The following OTOP2 variants were observed in gnomAD, a reference collection of about 807,000 sequenced individuals.
OTOP2 encodes the protein otopetrin 2, also known as proton channel OTOP2.
OTOP2 carries 41 observed loss-of-function variants against 47.4 expected under a neutral mutation model. The ratio of observed to expected loss-of-function variants is 0.87; its 90% CI spans 0.67 to 1.12. The LOEUF (loss-of-function observed/expected upper bound fraction) is 1.12, where lower values mean the gene tolerates loss of function less well. OTOP2 is among the 50% of genes most tolerant of loss of function. The pLI, the probability that OTOP2 is intolerant of heterozygous loss-of-function variation, is 0.00. For missense variants in OTOP2, 721 were observed against 752.2 expected, an observed-to-expected ratio of 0.96 and a Z score of 0.49; for synonymous variants, 328 against 319.6, an observed-to-expected ratio of 1.03 and a Z score of -0.28.
chr17:74,932,752 T>C (rs1020720993), intron 6 of OTOP2, among the ~76,000 whole-genome samples: 1 of 152,186 alleles, frequency 6.6e-6, no homozygotes, highest in African/African-American at 2.4e-5. Context: ...AAGGATGAAG[T>C]TAATCAGGGG....
At chr17:74,926,859 G>A (rs562491634) in intron 3 of OTOP2, among the ~76,000 whole-genome samples, 8 of 151,776 alleles carry the variant, frequency 5.3e-5, no homozygotes, top group East Asian at 3.9e-4. Context: ...GGGTTCAAGC[G>A]ATTCTCCTGC....
At position 74,930,289 on chromosome 17, in the gene OTOP2, C is replaced by A; in HGVS notation, c.654C>A (p.Asp218Glu). 1 of 1,611,884 alleles carries A rather than the reference C, an allele frequency of 6.2e-7. No homozygotes were observed. The highest frequency in any genetic ancestry group is 2.2e-5 in the East Asian group (1 of 44,822). Residue 218 changes from aspartate (D) to glutamate (E), a missense_variant, in exon 6 of 7, where the codon GAC becomes GAA. Transcript: ENST00000331427. This position sits in a 1 kb window ranked among gnomAD's most constrained non-coding sequence, Gnocchi z 4.0. ...CTCTCTCCACAACAGAGCATGCAGA[C>A]AACCCGGTCGGAGGAGACTCCTGCC... ...HARLISDQHADNPVGGDSCLC... is the reference protein window; with the variant it reads ...HARLISDQHAENPVGGDSCLC...
chr17:74,927,895 A>G (rs1370469856), intron 5 of OTOP2, 97 bp downstream of exon 5: 11 of 1,459,560 alleles, frequency 7.5e-6, no homozygotes, highest in South Asian at 5.4e-5. Flanking sequence ...TCATGAGGGC[A>G]TAGAGGCAAA....
Position 74,924,970 on chromosome 17 carries a change from T to C in OTOP2, c.313+25T>C. ...GGTGCCAGGGGAGGTGGGGGCGAGGTAGGGTGGGCACAACAGGGAGCTGCA... is the reference window on the plus strand; with the variant it reads ...GGTGCCAGGGGAGGTGGGGGCGAGGCAGGGTGGGCACAACAGGGAGCTGCA... On this transcript the variant is annotated intron_variant, in intron 2 of 6. Coordinates refer to ENST00000331427, the MANE Select transcript of OTOP2 (RefSeq NM_178160.3). This position sits in a 1 kb window ranked among gnomAD's most constrained non-coding sequence, Gnocchi z 7.7. 3 of 1,530,518 alleles carry C rather than the reference T, an allele frequency of 2.0e-6. No individual in the cohort carries two copies. Among genetic ancestry groups the C allele is most frequent in the Non-Finnish European group, 2.6e-6 (3 of 1,136,442 alleles). The allele number at this position is 1,530,518 out of a possible 1,614,324, so 94.8% of individuals were successfully genotyped here.
chr17:74,925,558 G>A lies in OTOP2; in HGVS notation c.316G>A (p.Gly106Arg), dbSNP rs2038999516. ...AHAGPIWLRG[G>R]LVLFGICTLI... is the part of the protein sequence containing the mutation. ...ACCCACCCACCCCTGGTTTCCAGGT[G>A]GGCTGGTGCTGTTTGGAATCTGCAC... The change falls in exon 3 of 7, where the codon GGG (glycine) becomes AGG (arginine). Residue 106 changes from glycine to arginine, a missense_variant and splice_region_variant. Physicochemically the swap from Gly to Arg is moderately radical, Grantham distance 125 (BLOSUM62 -2). Coordinates refer to ENST00000331427, the MANE Select transcript of OTOP2 (RefSeq NM_178160.3). 2 of 1,613,724 alleles carry A rather than the reference G, an allele frequency of 1.2e-6. No homozygotes were observed. Among genetic ancestry groups the A allele is most frequent in the Non-Finnish European group, 1.7e-6 (2 of 1,179,782 alleles).
chr17:74,927,052 G>A (rs751371467), intron 3 of OTOP2, among the ~76,000 whole-genome samples, 171 bp from the exon 4 acceptor site: 1 of 152,200 alleles, frequency 6.6e-6, no homozygotes, highest in Non-Finnish European at 1.5e-5. Flanking sequence ...TGGGATTACA[G>A]GCGTGAGCCA....
At chr17:74,929,042 G>A (rs556101985) in intron 5 of OTOP2, among the ~76,000 whole-genome samples, 1 of 152,190 alleles carries the variant, frequency 6.6e-6, no homozygotes, top group African/African-American at 2.4e-5. Flanking sequence ...GGCAGTTGGC[G>A]TTGACTCTGC....
chr17:74,929,978 T>A (rs1384632352), intron 5 of OTOP2, among the ~76,000 whole-genome samples: 2 of 151,050 alleles, frequency 1.3e-5, no homozygotes, highest in African/African-American at 4.9e-5. Context: ...AGGTCAGGAG[T>A]TCAAGACCAG....
chr17:74,930,009 C>G lies in OTOP2; in HGVS notation c.644-270C>G, dbSNP rs554250789. ...ACCAGCCTGGCCAACATGGCGAAACCCTGTCTCTACTAAAAATATAAAAAT... is the reference window on the plus strand; with the variant it reads ...ACCAGCCTGGCCAACATGGCGAAACGCTGTCTCTACTAAAAATATAAAAAT... On this transcript the variant is annotated intron_variant, in intron 5 of 6. Transcript: ENST00000331427. This position sits in a 1 kb window ranked among gnomAD's most constrained non-coding sequence, Gnocchi z 4.0. 1.1e-4 allele frequency among the ~76,000 whole-genome samples: 17 copies of G among 152,276 alleles called. No individual in the cohort carries two copies. The East Asian group carries it at 3.3e-3, about 30-fold the overall frequency.
intron 3 of OTOP2, among the ~76,000 whole-genome samples, chr17:74,926,002 C>T (rs1417710462): frequency 6.6e-6 from 1 of 152,234 alleles, no homozygotes; most frequent in Non-Finnish European, 1.5e-5. Context: ...ACCTGGCCTG[C>T]CCTTCTTGGG....
rs2038982581 is a variant in OTOP2 at position 74,924,314 on chromosome 17, C to T, written c.-53C>T. 5.4e-6 allele frequency: 2 copies of T among 368,122 alleles called. No homozygotes were observed. Among genetic ancestry groups the T allele is most frequent in the Admixed American group, 4.4e-5 (1 of 22,662 alleles). The allele number at this position is 368,122 out of a possible 1,614,324, so 22.8% of individuals were successfully genotyped here. A position where few individuals can be genotyped will look rare whatever the true frequency, so the allele number is the denominator to read the frequency against. ...CCGTCCCCTGACCCCCAGCTCAGCG[C>T]CGGCTCCAAGCCCAGCCAGGTGGGT... On this transcript the variant is annotated 5_prime_UTR_variant, in exon 1 of 7. Transcript: ENST00000331427. This position sits in a 1 kb window ranked among gnomAD's most constrained non-coding sequence, Gnocchi z 7.7.
Position 74,927,714 on chromosome 17 carries a change from G to T in OTOP2, c.559G>T (p.Ala187Ser). 1 of 1,614,180 alleles carries T rather than the reference G, an allele frequency of 6.2e-7. No individual in the cohort carries two copies. The highest frequency in any genetic ancestry group is 8.5e-7 in the Non-Finnish European group (1 of 1,180,010). ...CACCAACCTGGCCATCTGGATGGCGGCCGTGGTGGATGAATCTGTGCACCA... is the reference window on the plus strand; with the variant it reads ...CACCAACCTGGCCATCTGGATGGCGTCCGTGGTGGATGAATCTGTGCACCA... ...LTTNLAIWMA[A>S]VVDESVHQSH... Residue 187 changes from alanine to serine, a missense_variant, in exon 5 of 7, where the codon GCC becomes TCC. Ala to Ser is a moderately conservative substitution (Grantham distance 99, BLOSUM62 1). Transcript: ENST00000331427.
rs1485777527 is a variant in OTOP2 at position 74,927,218 on chromosome 17, T to A, written c.451-5T>A. ...AATGACTCTCACCAATGTCTCTCCA[T>A]ACAGACCTACTTTCTCTGGGTCTCT... On this transcript the variant is annotated splice_region_variant and splice_polypyrimidine_tract_variant and intron_variant, in intron 3 of 6. Coordinates refer to ENST00000331427, the MANE Select transcript of OTOP2 (RefSeq NM_178160.3). 2 of 1,610,804 alleles carry A rather than the reference T, an allele frequency of 1.2e-6. No homozygotes were observed. Among genetic ancestry groups the A allele is most frequent in the Admixed American group, 1.7e-5 (1 of 60,030 alleles).
intron 5 of OTOP2, among the ~76,000 whole-genome samples, chr17:74,929,418 T>C (rs942930272): frequency 5.0e-5 from 7 of 139,136 alleles, no homozygotes; most frequent in African/African-American, 1.7e-4. Context: ...TTTTGTTTTT[T>C]TGTTTGTTTG....
intron 5 of OTOP2, among the ~76,000 whole-genome samples, chr17:74,928,885 C>G (rs1040620570): frequency 3.3e-5 from 5 of 152,120 alleles, no homozygotes; most frequent in Admixed American, 2.6e-4. Flanking sequence ...GAGACCCCAG[C>G]CCAGCAAGCC....
At chr17:74,929,407 GTTTTGTTT>G (rs2039035606) in intron 5 of OTOP2, among the ~76,000 whole-genome samples, 1 of 151,824 alleles carries the variant, frequency 6.6e-6, no homozygotes, top group Non-Finnish European at 1.5e-5. Flanking sequence ...GGTTCAAACT[GTTTTGTTT>G]TTTTGTTTGT....
At chr17:74,925,297 G>T (rs899859201) in intron 2 of OTOP2, among the ~76,000 whole-genome samples, 1 of 151,984 alleles carries the variant, frequency 6.6e-6, no homozygotes, top group Non-Finnish European at 1.5e-5. Flanking sequence ...CCAAAGAGAG[G>T]GGGGCTTGGT....
rs2144761972 is a variant in OTOP2, at chr17:74,924,333, G to A, written c.-34G>A. On this transcript the variant is annotated splice_region_variant and 5_prime_UTR_variant, in exon 1 of 7. The change creates a new upstream start codon in the 5' untranslated region. Transcript: ENST00000331427. The surrounding 1 kb of genome is among the most constrained non-coding windows in gnomAD (Gnocchi z 7.7). ...TCAGCGCCGGCTCCAAGCCCAGCCA[G>A]GTGGGTGCCCCGGGCCGGAGGGCAG... 3 of 389,218 alleles carry A rather than the reference G, an allele frequency of 7.7e-6. No individual in the cohort carries two copies. The highest frequency in any genetic ancestry group is 1.4e-5 in the Non-Finnish European group (3 of 217,438). 24.1% of individuals were successfully genotyped at this position (389,218 alleles called of 1,614,324 possible).
rs765995235 is a variant in OTOP2 at position 74,924,918 on chromosome 17, G to T, written c.286G>T (p.Ala96Ser). ...RCPCAVPYRD[A>S]HAGPIWLRGG... ...CCCCTGCGCGGTACCCTACCGGGAC[G>T]CGCACGCTGGCCCCATCTGGCTCCG... Residue 96 changes from alanine to serine, a missense_variant, in exon 2 of 7, where the codon GCG becomes TCG. Physicochemically the swap from Ala to Ser is moderately conservative, Grantham distance 99 (BLOSUM62 1). Coordinates refer to ENST00000331427, the MANE Select transcript of OTOP2 (RefSeq NM_178160.3). The surrounding 1 kb of genome is among the most constrained non-coding windows in gnomAD (Gnocchi z 7.7). 1 of 1,577,156 alleles carries T rather than the reference G, an allele frequency of 6.3e-7. No homozygotes were observed. The highest frequency in any genetic ancestry group is 8.6e-7 in the Non-Finnish European group (1 of 1,161,296).
Sources: allele counts gnomAD v4.1 joint callset (sites outside exome capture counted in the v4.1 genomes callset), GRCh38; gene constraint gnomAD v4.1.1; non-coding constraint Gnocchi (gnomAD v3.1); transcripts MANE v1.5; gene names NCBI Gene and HGNC (gene_info 2026-07-23, HGNC 2026-07-21).